Variants in PDE3A observed in about 807,000 individuals in gnomAD.
PDE3A encodes phosphodiesterase 3A, also known as cGMP-inhibited 3',5'-cyclic phosphodiesterase 3A.
PDE3A carries 43 observed loss-of-function variants against 98.3 expected under a neutral mutation model. That is an observed-to-expected ratio of 0.44 (90% CI 0.34 to 0.56). The LOEUF is 0.56. Ranked by LOEUF, PDE3A falls within the 20% of genes least tolerant of loss-of-function variation. The pLI, the probability that PDE3A is intolerant of heterozygous loss-of-function variation, is 0.01. For missense variants in PDE3A, 1,427 were observed against 1,440.7 expected (o/e 0.99, Z 0.15); for synonymous variants, 663 against 567.9 (o/e 1.17, Z -2.38).
At chr12:20,436,965 CT>C (rs1353865296) in intron 1 of PDE3A, among the ~76,000 whole-genome samples, 2 of 151,960 alleles carry the variant, frequency 1.3e-5, no homozygotes, top group East Asian at 3.9e-4. Context: ...TTAATCATAC[CT>C]CCTCTACAGT....
chr12:20,626,318 TTC>T (rs1283297160), intron 5 of PDE3A, among the ~76,000 whole-genome samples: 1 of 151,972 alleles, frequency 6.6e-6, no homozygotes, highest in Non-Finnish European at 1.5e-5. Context: ...TCCTAATTCT[TTC>T]TGTTTTTAAA....
rs1053145478 is a variant in PDE3A, at chr12:20,650,427, A to C, written c.2770-18A>C. 1.3e-6 allele frequency: 2 copies of C among 1,561,756 alleles called. No individual in the cohort carries two copies. Among genetic ancestry groups the C allele is most frequent in the African/African-American group, 1.4e-5 (1 of 73,438 alleles). On this transcript the variant is annotated intron_variant, in intron 13 of 15. Transcript: ENST00000359062. ...TTTTATCAAAGCAAAACATATATTAACTTTATCTCTCAAATAGGTAAATGA... is the reference window on the plus strand; with the variant it reads ...TTTTATCAAAGCAAAACATATATTACCTTTATCTCTCAAATAGGTAAATGA...
intron 13 of PDE3A, among the ~76,000 whole-genome samples, chr12:20,649,492 C>G (rs1243366838): frequency 1.3e-5 from 2 of 152,032 alleles, no homozygotes; most frequent in Non-Finnish European, 2.9e-5. Context: ...TTGTTTTCAT[C>G]TCTACGGTAT....
rs2121517852 is a variant in PDE3A at position 20,650,594 on chromosome 12, T to C, written c.2919T>C (p.Tyr973=). ...QWTDGIVNEF[Y]EQGDEEASLG... The stretch of plus-strand genomic sequence containing the variant: ...CAGATGGTATTGTCAATGAATTTTA[T>C]GAACAGGTAACTGACCACTGTTTAA... The change falls in exon 14 of 16, where the codon TAT becomes TAC. Residue 973 remains tyrosine, a synonymous_variant. Coordinates refer to ENST00000359062, the MANE Select transcript of PDE3A (RefSeq NM_000921.5). 1 of 1,608,546 alleles carries C rather than the reference T, an allele frequency of 6.2e-7. No homozygotes were observed. The highest frequency in any genetic ancestry group is 8.5e-7 in the Non-Finnish European group (1 of 1,175,512).
chr12:20,370,273 C>G (rs750583345), intron 1 of PDE3A, 29 bp downstream of exon 1: 8 of 1,488,764 alleles, frequency 5.4e-6, no homozygotes, highest in Non-Finnish European at 7.1e-6. Context: ...TCTCTCGGCT[C>G]TTGGAAACTT....
At position 20,386,231 on chromosome 12, in the gene PDE3A, AAT is replaced by A. The variant is rs1430495753; in HGVS notation, c.960+15991_960+15992del. Among the ~76,000 whole-genome samples, 168 of 90,258 alleles carry A rather than the reference AAT, an allele frequency of 1.9e-3. 9 individuals are homozygous for A. Among genetic ancestry groups the A allele is most frequent in the East Asian group, 0.014 (43 of 3,004 alleles). 59.2% of individuals were successfully genotyped at this position (90,258 alleles called of 152,430 possible). A position where few individuals can be genotyped will look rare whatever the true frequency, so the allele number is the denominator to read the frequency against. On this transcript the variant is annotated intron_variant, in intron 1 of 15. Transcript: ENST00000359062. ...TATATATAAATATATAAAAAATAAAAATATAAATATAAATATATTAATTATAT... is the reference window on the plus strand; with the variant it reads ...TATATATAAATATATAAAAAATAAAAATAAATATAAATATATTAATTATAT...
At chr12:20,561,170 ATAGCT>A (rs1263899124) in intron 2 of PDE3A, among the ~76,000 whole-genome samples, 1 of 152,112 alleles carries the variant, frequency 6.6e-6, no homozygotes, top group East Asian at 1.9e-4. Context: ...CTGAGACAGA[ATAGCT>A]TGAGCCCCGG....
rs141591857 is a variant in PDE3A, at chr12:20,442,135, T to G, written c.960+71891T>G. Among the ~76,000 whole-genome samples, 165 of 152,308 alleles carry G rather than the reference T, an allele frequency of 1.1e-3. 1 individual carries two copies. The highest frequency in any genetic ancestry group is 3.9e-3 in the African/African-American group (161 of 41,560). ...AAATTTGAAAATCTGTTTCCAGATTTGTAGTTCTACACCAAAATGGAATTC... is the reference window on the plus strand; with the variant it reads ...AAATTTGAAAATCTGTTTCCAGATTGGTAGTTCTACACCAAAATGGAATTC... On this transcript the variant is annotated intron_variant, in intron 1 of 15. Coordinates refer to ENST00000359062, the MANE Select transcript of PDE3A (RefSeq NM_000921.5).
At chr12:20,617,096 G>A (rs1038601298) in intron 4 of PDE3A, among the ~76,000 whole-genome samples, 5 of 151,988 alleles carry the variant, frequency 3.3e-5, no homozygotes, top group African/African-American at 7.2e-5. Flanking sequence ...AACATTTACC[G>A]TATGATTTCA....
At chr12:20,388,303 G>T (rs1943849920) in intron 1 of PDE3A, among the ~76,000 whole-genome samples, 1 of 151,980 alleles carries the variant, frequency 6.6e-6, no homozygotes, top group Non-Finnish European at 1.5e-5. Context: ...GATCCTAGTG[G>T]TACATGATCC....
chr12:20,411,391 G>GGACA (rs1944329896), intron 1 of PDE3A, among the ~76,000 whole-genome samples: 1 of 152,106 alleles, frequency 6.6e-6, no homozygotes, highest in African/African-American at 2.4e-5. Flanking sequence ...AAGTAAAATA[G>GGACA]GACAGTATGT....
intron 2 of PDE3A, among the ~76,000 whole-genome samples, chr12:20,596,976 A>C (rs1034097568): frequency 2.0e-5 from 3 of 152,178 alleles, no homozygotes; most frequent in Non-Finnish European, 4.4e-5. Flanking sequence ...AGCATTGTGA[A>C]TAGCGTAGGG....
chr12:20,556,826 GC>G, intron 2 of PDE3A, 116 bp downstream of exon 2: 1 of 774,772 alleles, frequency 1.3e-6, no homozygotes. Context: ...AAATAACCAT[GC>G]CATTTGTTTT....
At chr12:20,564,532 G>C (rs1942609202) in intron 2 of PDE3A, among the ~76,000 whole-genome samples, 1 of 152,038 alleles carries the variant, frequency 6.6e-6, no homozygotes, top group African/African-American at 2.4e-5. Context: ...GGCTAGGTTA[G>C]GGGGGAATGT....
At chr12:20,378,268 G>A (rs998218184) in intron 1 of PDE3A, among the ~76,000 whole-genome samples, 13 of 151,636 alleles carry the variant, frequency 8.6e-5, no homozygotes, top group African/African-American at 2.9e-4. Context: ...GTCTGGAAAT[G>A]TTTAATGTCA....
rs185836302 is a variant in PDE3A at position 20,641,224 on chromosome 12, A to G, written c.2251+1267A>G. On this transcript the variant is annotated intron_variant, in intron 10 of 15. Coordinates refer to ENST00000359062, the MANE Select transcript of PDE3A (RefSeq NM_000921.5). ...GAGATTTTCTGAAGAATGTGGGACC[A>G]AAATACAGACAGAGTAAGGCAGTTG... 4.0e-4 allele frequency among the ~76,000 whole-genome samples: 61 copies of G among 152,302 alleles called. No individual in the cohort carries two copies. In the South Asian group the frequency reaches 0.011, roughly 28 times the overall value.
intron 1 of PDE3A, among the ~76,000 whole-genome samples, chr12:20,392,978 G>A (rs1257532033): frequency 6.6e-6 from 1 of 151,940 alleles, no homozygotes. Context: ...GGGAAGGGAA[G>A]AGGGGAGGAA....
rs1034807520 is a variant in PDE3A, at chr12:20,525,468, G to C, written c.961-31192G>C. 7.6e-5 allele frequency among the ~76,000 whole-genome samples: 7 copies of C among 91,984 alleles called. No homozygotes were observed. In the South Asian group the frequency reaches 1.2e-3, roughly 16 times the overall value. The allele number at this position is 91,984 out of a possible 152,430, so 60.3% of individuals were successfully genotyped here. ...AACATGGAAACATTCTGATTTGGTT[G>C]GGGGGGGGGGCTTTTGACATCATCT... On this transcript the variant is annotated intron_variant, in intron 1 of 15. Transcript: ENST00000359062.
chr12:20,642,671 AG>A (rs1435804249), intron 10 of PDE3A, among the ~76,000 whole-genome samples: 1 of 152,166 alleles, frequency 6.6e-6, no homozygotes, highest in African/African-American at 2.4e-5. Flanking sequence ...GTGATCATGT[AG>A]CTATTTCATG....
Sources: gnomAD v4.1 joint callset for allele counts (sites outside exome capture counted in the v4.1 genomes callset) on GRCh38, gnomAD v4.1.1 for gene constraint, MANE v1.5 for transcripts, NCBI Gene and HGNC (gene_info 2026-07-23, HGNC 2026-07-21) for gene names.